HNF4G: variants seen among roughly 807,000 people sequenced by gnomAD.
HNF4G encodes the protein hepatocyte nuclear factor 4 gamma.
A neutral mutation model predicts 50.9 loss-of-function variants in HNF4G; 21 were observed. The observed-to-expected ratio is 0.41, with a 90% CI of 0.29 to 0.59. HNF4G has a LOEUF of 0.59. Ranked by LOEUF, HNF4G falls within the 20% of genes least tolerant of loss-of-function variation. The pLI is 0.26. For missense variants in HNF4G, 527 were observed against 559.4 expected, an observed-to-expected ratio of 0.94 and a Z score of 0.58; for synonymous variants, 198 against 185.6, an observed-to-expected ratio of 1.07 and a Z score of -0.54.
intron 1 of HNF4G, among the ~76,000 whole-genome samples, chr8:75,540,839 T>C (rs1806598241): frequency 8.3e-6 from 1 of 121,190 alleles, no homozygotes. Context: ...ATGTATACTT[T>C]GGAAAATGTG....
chr8:75,491,814 C>A (rs940107371), intron 2 of HNF4G, among the ~76,000 whole-genome samples: 1 of 152,138 alleles, frequency 6.6e-6, no homozygotes, highest in East Asian at 1.9e-4. Context: ...AAATGCAAGT[C>A]GCTTAGAGGA....
chr8:75,525,242 T>A (rs1806147135), intron 2 of HNF4G, among the ~76,000 whole-genome samples: 1 of 152,178 alleles, frequency 6.6e-6, no homozygotes. Flanking sequence ...TGATCTTGGC[T>A]TACTGCAACC....
At chr8:75,427,008 T>C (rs1810907325) in intron 1 of HNF4G, among the ~76,000 whole-genome samples, 1 of 152,212 alleles carries the variant, frequency 6.6e-6, no homozygotes, top group Non-Finnish European at 1.5e-5. Context: ...GTATTGTTTT[T>C]TAAGTGGTTT....
At chr8:75,452,546 C>A (rs914424143) in intron 1 of HNF4G, among the ~76,000 whole-genome samples, 1 of 152,112 alleles carries the variant, frequency 6.6e-6, no homozygotes, top group East Asian at 1.9e-4. Context: ...GGCGAAACCC[C>A]GTCTCTACTA....
intron 2 of HNF4G, among the ~76,000 whole-genome samples, chr8:75,491,238 T>C (rs926388404): frequency 6.6e-6 from 1 of 152,200 alleles, no homozygotes; most frequent in African/African-American, 2.4e-5. Flanking sequence ...AGAACGGGCA[T>C]ATATTAGGTA....
chr8:75,500,613 T>G (rs1235726604), intron 2 of HNF4G, among the ~76,000 whole-genome samples: 4 of 152,146 alleles, frequency 2.6e-5, no homozygotes, highest in Non-Finnish European at 4.4e-5. Context: ...GGAAATAATT[T>G]GTATTTCCAT....
intron 1 of HNF4G, among the ~76,000 whole-genome samples, chr8:75,458,553 C>A (rs1358172246): frequency 2.6e-5 from 4 of 152,004 alleles, no homozygotes; most frequent in African/African-American, 9.7e-5. Context: ...ACTGTTTTGT[C>A]TTTGAGCATG....
chr8:75,411,640 T>C (rs752558759), intron 1 of HNF4G, among the ~76,000 whole-genome samples: 1 of 152,178 alleles, frequency 6.6e-6, no homozygotes, highest in African/African-American at 2.4e-5. Flanking sequence ...ACTTTTTTTC[T>C]TTTTGTGTGA....
intron 5 of HNF4G, among the ~76,000 whole-genome samples, chr8:75,555,038 C>T (rs552908865): frequency 1.4e-4 from 22 of 152,260 alleles, no homozygotes; most frequent in East Asian, 3.9e-4. Flanking sequence ...GGAGGCAAAG[C>T]ACTGACCCCT....
chr8:75,474,766 T>G (rs1376452410), intron 1 of HNF4G, among the ~76,000 whole-genome samples: 1 of 151,122 alleles, frequency 6.6e-6, no homozygotes, highest in African/African-American at 2.4e-5. Flanking sequence ...GGCGCGATCT[T>G]GGCTCACTGC....
intron 5 of HNF4G, among the ~76,000 whole-genome samples, chr8:75,555,467 C>T (rs955813928): frequency 6.6e-6 from 1 of 152,128 alleles, no homozygotes; most frequent in African/African-American, 2.4e-5. Context: ...CCATCTTTTC[C>T]TTACAAGAAG....
intron 1 of HNF4G, among the ~76,000 whole-genome samples, chr8:75,409,414 A>T (rs1216381664): frequency 6.8e-6 from 1 of 146,424 alleles, no homozygotes; most frequent in East Asian, 2.1e-4. Context: ...TATTTTAGGG[A>T]TTGCTAAGAT....
chr8:75,555,705 C>T (rs1585954223), intron 5 of HNF4G, among the ~76,000 whole-genome samples: 1 of 150,984 alleles, frequency 6.6e-6, no homozygotes, highest in Non-Finnish European at 1.5e-5. Flanking sequence ...GATTCTGTTT[C>T]CCTTGCAAAC....
At chr8:75,537,713 A>C (rs1259938411), upstream of HNF4G, among the ~76,000 whole-genome samples, 1 of 152,070 alleles carries the variant, frequency 6.6e-6, no homozygotes, top group African/African-American at 2.4e-5. Flanking sequence ...TTTTTTCTCC[A>C]TTAAAAAATA....
At chr8:75,518,905 A>G (rs1315557762) in intron 2 of HNF4G, among the ~76,000 whole-genome samples, 1 of 152,146 alleles carries the variant, frequency 6.6e-6, no homozygotes, top group Non-Finnish European at 1.5e-5. Context: ...TCCTCAGAAA[A>G]TGGGTTTTTC....
At chr8:75,492,223 C>T (rs1812648253) in intron 2 of HNF4G, among the ~76,000 whole-genome samples, 2 of 152,172 alleles carry the variant, frequency 1.3e-5, no homozygotes, top group African/African-American at 2.4e-5. Context: ...CCACACTGAT[C>T]TAGTCACTCT....
At chr8:75,461,780 A>G (rs942293309) in intron 1 of HNF4G, among the ~76,000 whole-genome samples, 1 of 151,786 alleles carries the variant, frequency 6.6e-6, no homozygotes, top group East Asian at 1.9e-4. Context: ...TTTATAAATT[A>G]GGCATAGTAA....
At chr8:75,515,629 G>C (rs1044591563) in intron 2 of HNF4G, among the ~76,000 whole-genome samples, 5 of 152,166 alleles carry the variant, frequency 3.3e-5, no homozygotes, top group Non-Finnish European at 7.3e-5. Context: ...AAAACCTGGA[G>C]CACCAATGTC....
chr8:75,534,281 A>G (rs1806403568), intron 2 of HNF4G, among the ~76,000 whole-genome samples: 1 of 151,940 alleles, frequency 6.6e-6, no homozygotes, highest in South Asian at 2.1e-4. Flanking sequence ...TTTCCTTACC[A>G]GTATAATCTA....
Sources: allele counts gnomAD v4.1 joint callset (sites outside exome capture counted in the v4.1 genomes callset), GRCh38; gene constraint gnomAD v4.1.1; transcripts MANE v1.5; gene names NCBI Gene and HGNC (gene_info 2026-07-23, HGNC 2026-07-21).